Variants in TECRL observed in about 807,000 individuals in gnomAD.
TECRL encodes trans-2,3-enoyl-CoA reductase-like.
In TECRL, 63 loss-of-function variants were observed where a neutral mutation model predicts 52.8. That is an observed-to-expected ratio of 1.19 (90% CI 0.97 to 1.47). TECRL has a LOEUF of 1.47. Ranked by LOEUF, TECRL falls within the 40% of genes most tolerant of loss-of-function variation. The pLI, the probability that TECRL is intolerant of heterozygous loss-of-function variation, is 0.00. For synonymous variants in TECRL, 164 were observed against 141.9 expected (o/e 1.16, Z -1.10); for missense variants, 482 against 429.6 (o/e 1.12, Z -1.08).
At chr4:64,283,557 T>C (rs772326649) in intron 9 of TECRL, among the ~76,000 whole-genome samples, 5 of 152,050 alleles carry the variant, frequency 3.3e-5, no homozygotes, top group African/African-American at 4.8e-5. Context: ...CAAGTGGGAC[T>C]GAATGGCTCA....
chr4:64,281,189 CTT>C, intron 10 of TECRL, 103 bp from the exon 11 acceptor site: 2 of 730,878 alleles, frequency 2.7e-6, no homozygotes, highest in Admixed American at 3.0e-5. Flanking sequence ...TATTAGAAAA[CTT>C]ATAGATAGGA....
At chr4:64,373,221 T>C (rs1022046161) in intron 2 of TECRL, among the ~76,000 whole-genome samples, 3 of 151,602 alleles carry the variant, frequency 2.0e-5, no homozygotes, top group African/African-American at 7.2e-5. Flanking sequence ...TTTTAGATGA[T>C]TGAAATAATA....
intron 2 of TECRL, among the ~76,000 whole-genome samples, chr4:64,340,631 G>C (rs1719500356): frequency 6.6e-6 from 1 of 152,236 alleles, no homozygotes; most frequent in Non-Finnish European, 1.5e-5. Context: ...CTTGGCACTG[G>C]CATGTAGATG....
At chr4:64,348,886 G>T (rs1162799751) in intron 2 of TECRL, among the ~76,000 whole-genome samples, 9 of 152,026 alleles carry the variant, frequency 5.9e-5, no homozygotes, top group Admixed American at 5.9e-4. Flanking sequence ...GCAGGTAATG[G>T]CATGGAAGAG....
intron 1 of TECRL, among the ~76,000 whole-genome samples, chr4:64,387,231 T>C (rs564513394): frequency 6.6e-5 from 10 of 152,032 alleles, no homozygotes; most frequent in Non-Finnish European, 1.3e-4. Flanking sequence ...TGAATGTCTT[T>C]TCATGGGTTA....
At chr4:64,320,683 A>G (rs2062195) in intron 4 of TECRL, among the ~76,000 whole-genome samples, 32,134 of 152,010 alleles carry the variant, frequency 0.21, 3,573 homozygotes, top group East Asian at 0.3. Flanking sequence ...TCACCCTGAC[A>G]CAATTTCTGT....
chr4:64,360,562 T>C (rs2109611817), intron 2 of TECRL, among the ~76,000 whole-genome samples: 1 of 152,166 alleles, frequency 6.6e-6, no homozygotes, highest in South Asian at 2.1e-4. Context: ...CAGGAAGAAC[T>C]TCTCTCACCA....
At chr4:64,351,161 T>A (rs1720364070) in intron 2 of TECRL, among the ~76,000 whole-genome samples, 2 of 149,642 alleles carry the variant, frequency 1.3e-5, no homozygotes, top group African/African-American at 4.9e-5. Context: ...GAAAGGGGCA[T>A]GAAGAGAGAT....
At chr4:64,367,477 A>G (rs1189481235) in intron 2 of TECRL, among the ~76,000 whole-genome samples, 1 of 152,158 alleles carries the variant, frequency 6.6e-6, no homozygotes, top group Non-Finnish European at 1.5e-5. Context: ...TTGTGCATGT[A>G]TGTGGGCAAA....
At chr4:64,329,397 G>A (rs974877851) in intron 2 of TECRL, among the ~76,000 whole-genome samples, 4 of 151,576 alleles carry the variant, frequency 2.6e-5, no homozygotes, top group African/African-American at 9.7e-5. Flanking sequence ...AGATGACTCA[G>A]GACTAGAAAG....
chr4:64,409,432 T>C lies in TECRL; in HGVS notation c.-81A>G. On this transcript the variant is annotated 5_prime_UTR_variant, in exon 1 of 12. Coordinates refer to ENST00000381210, the MANE Select transcript of TECRL (RefSeq NM_001010874.5). ...TCCTTTTGCATCAGTTAAATACTGC[T>C]GGAGAACCTTTGAAAGGTCAAATGG... is the stretch of plus-strand genomic sequence containing the variant. The C allele has an allele frequency of 6.5e-7, 1 of 1,539,134 alleles. No individual in the cohort carries two copies. The highest frequency in any genetic ancestry group is 1.3e-5 in the South Asian group (1 of 79,098).
intron 5 of TECRL, among the ~76,000 whole-genome samples, chr4:64,313,016 G>A (rs1042943981): frequency 1.6e-4 from 24 of 152,110 alleles, no homozygotes; most frequent in African/African-American, 5.8e-4. Flanking sequence ...CCCCAGCCTT[G>A]CGGAACTGTG....
rs149358323 is a variant in TECRL, at chr4:64,344,590, C to T, written c.287-16034G>A. Among the ~76,000 whole-genome samples, 1,315 of 152,184 alleles carry T rather than the reference C, an allele frequency of 8.6e-3. 10 individuals carry two copies. The highest frequency in any genetic ancestry group is 0.034 in the Middle Eastern group (10 of 294). The stretch of plus-strand genomic sequence containing the variant: ...GGTGAATGTTGAAAATGGTGCCTGA[C>T]ATTTAATTTAAATTTAAAACAAAGT... On this transcript the variant is annotated intron_variant, in intron 2 of 11. Transcript: ENST00000381210.
chr4:64,336,133 G>A (rs892378261), intron 2 of TECRL, among the ~76,000 whole-genome samples: 4 of 152,086 alleles, frequency 2.6e-5, no homozygotes, highest in Admixed American at 1.3e-4. Context: ...CTGTGAATCC[G>A]TCTGGTCCTG....
At chr4:64,391,774 G>A (rs571278894) in intron 1 of TECRL, among the ~76,000 whole-genome samples, 8 of 151,780 alleles carry the variant, frequency 5.3e-5, no homozygotes, top group African/African-American at 1.9e-4. Flanking sequence ...TTATAAATAT[G>A]CCTCCCATTT....
intron 2 of TECRL, among the ~76,000 whole-genome samples, chr4:64,374,745 C>A (rs1722276912): frequency 6.6e-6 from 1 of 152,002 alleles, no homozygotes; most frequent in Admixed American, 6.6e-5. Flanking sequence ...ATGAACTCAT[C>A]CTTTTTTATG....
rs1294824837 is a variant in TECRL, at chr4:64,281,071, T to G, written c.934A>C (p.Ser312Arg). 6.2e-7 allele frequency: 1 copy of G among 1,602,488 alleles called. No individual in the cohort carries two copies. Among genetic ancestry groups the G allele is most frequent in the South Asian group, 1.1e-5 (1 of 89,438 alleles). ...AGTGTTTGTGTCATGACTGTGAAAC[T>G]AATCCATGATCCAATCTGTTATATT... ...NYTYEIGSWI[S>R]FTVMTQTLPV... is the part of the protein sequence containing the mutation. The change falls in exon 11 of 12, where the codon AGT becomes CGT. Residue 312 changes from serine to arginine, a missense_variant. Transcript: ENST00000381210.
At position 64,281,547 on chromosome 4, in the gene TECRL, C is replaced by G. The variant is rs531433742; in HGVS notation, c.845G>C (p.Cys282Ser). 4 of 1,598,566 alleles carry G rather than the reference C, an allele frequency of 2.5e-6. No individual in the cohort carries two copies. The African/African-American group carries it at 5.4e-5, about 22-fold the overall frequency. Residue 282 changes from cysteine (C) to serine (S), a missense_variant, in exon 10 of 12, where the codon TGT (cysteine) becomes TCT (serine). Transcript: ENST00000381210. ...SHPNHTGNNA[C>S]FPSPNYNPFT... Reference sequence around the variant, plus strand: ...GGGGTTATAATTTGGACTTGGGAAACAGGCATTGTTTCCTTTTTCAAAGGA... The same window carrying G: ...GGGGTTATAATTTGGACTTGGGAAAGAGGCATTGTTTCCTTTTTCAAAGGA...
At chr4:64,277,195 A>G (rs150154469), downstream of TECRL, 7 of 484,310 alleles carry the variant, frequency 1.4e-5, no homozygotes, top group African/African-American at 1.3e-4. Flanking sequence ...AGTGTAGTAT[A>G]ATGGGAAAAA....
Sources: gnomAD v4.1 joint callset for allele counts (sites outside exome capture counted in the v4.1 genomes callset) on GRCh38, gnomAD v4.1.1 for gene constraint, MANE v1.5 for transcripts, NCBI Gene and HGNC (gene_info 2026-07-23, HGNC 2026-07-21) for gene names.